The following ALG5 variants were observed in gnomAD, a reference collection of about 807,000 sequenced individuals.
The protein encoded by ALG5 is dolichyl-phosphate beta-glucosyltransferase.
In ALG5, 26 loss-of-function variants were observed where a neutral mutation model predicts 51.8. The ratio of observed to expected loss-of-function variants is 0.50; its 90% CI spans 0.37 to 0.70. The LOEUF (loss-of-function observed/expected upper bound fraction) is 0.70, where lower values mean the gene tolerates loss of function less well. ALG5 is among the 30% of genes least tolerant of loss of function. The pLI is 0.00. For synonymous variants in ALG5, 141 were observed against 136.1 expected, an observed-to-expected ratio of 1.04 and a Z score of -0.25; for missense variants, 311 against 399.3, an observed-to-expected ratio of 0.78 and a Z score of 1.88.
At chr13:36,971,474 C>T (rs185919939) in intron 7 of ALG5, among the ~76,000 whole-genome samples, 25 of 151,888 alleles carry the variant, frequency 1.6e-4, no homozygotes, top group African/African-American at 5.8e-4. Flanking sequence ...CAGTGAAACC[C>T]TGTCTCTACC....
At chr13:36,965,194 A>T (rs2058887364) in intron 8 of ALG5, among the ~76,000 whole-genome samples, 1 of 152,122 alleles carries the variant, frequency 6.6e-6, no homozygotes, top group African/African-American at 2.4e-5. Flanking sequence ...GGAGATGTAG[A>T]GGTCAAAAGA....
intron 8 of ALG5, among the ~76,000 whole-genome samples, chr13:36,964,063 A>G (rs1229460488): frequency 6.6e-6 from 1 of 152,194 alleles, no homozygotes; most frequent in Non-Finnish European, 1.5e-5. Flanking sequence ...TATAAGAAAA[A>G]ACTACAAATG....
At chr13:36,961,798 T>C (rs2058868437) in intron 8 of ALG5, among the ~76,000 whole-genome samples, 1 of 152,174 alleles carries the variant, frequency 6.6e-6, no homozygotes, top group Admixed American at 6.6e-5. Context: ...GAGTCTTTTT[T>C]TGAGACAGAG....
chr13:36,976,446 A>G (rs113093875), intron 6 of ALG5, among the ~76,000 whole-genome samples: 5,418 of 145,048 alleles, frequency 0.037, 395 homozygotes, highest in African/African-American at 0.14. Flanking sequence ...AAAAAAAAAA[A>G]AAAAGAAAAG....
intron 6 of ALG5, among the ~76,000 whole-genome samples, chr13:36,973,643 A>C (rs1409444153): frequency 6.6e-6 from 1 of 152,242 alleles, no homozygotes; most frequent in Non-Finnish European, 1.5e-5. Flanking sequence ...CCATATTCAA[A>C]ACTAAAAGAC....
chr13:36,978,749 C>A (rs2058965465), intron 6 of ALG5, among the ~76,000 whole-genome samples: 1 of 151,052 alleles, frequency 6.6e-6, no homozygotes, highest in South Asian at 2.1e-4. Context: ...CCCACCTCTA[C>A]TAAAAATACA....
chr13:36,977,931 G>A (rs2058961109), intron 6 of ALG5, among the ~76,000 whole-genome samples: 2 of 146,628 alleles, frequency 1.4e-5, no homozygotes, highest in Admixed American at 1.4e-4. Context: ...CTGTTGCCCA[G>A]GCTGGAGTAC....
intron 8 of ALG5, among the ~76,000 whole-genome samples, chr13:36,956,098 C>T (rs1443516023): frequency 6.6e-6 from 1 of 152,072 alleles, no homozygotes; most frequent in African/African-American, 2.4e-5. Context: ...ATCTGTAGGC[C>T]ATATATCTGA....
At chr13:36,997,904 C>T (rs2059058940) in intron 1 of ALG5, among the ~76,000 whole-genome samples, 1 of 152,064 alleles carries the variant, frequency 6.6e-6, no homozygotes, top group Non-Finnish European at 1.5e-5. Flanking sequence ...ACCTAAGTTT[C>T]ACTAGTTGTG....
At chr13:36,971,541 T>G (rs1593668617) in intron 7 of ALG5, among the ~76,000 whole-genome samples, 1 of 144,000 alleles carries the variant, frequency 6.9e-6, no homozygotes, top group East Asian at 2.1e-4. Context: ...CAGCTACTTG[T>G]GAGGCTGAGG....
At chr13:36,984,820 G>T (rs1461473614) in intron 6 of ALG5, among the ~76,000 whole-genome samples, 1 of 152,068 alleles carries the variant, frequency 6.6e-6, no homozygotes, top group African/African-American at 2.4e-5. Context: ...CTGGTCTTGT[G>T]AGATTTTGTC....
intron 8 of ALG5, among the ~76,000 whole-genome samples, chr13:36,961,092 A>G (rs2058864509): frequency 6.6e-6 from 1 of 152,102 alleles, no homozygotes; most frequent in Admixed American, 6.6e-5. Context: ...AAAAATAAAC[A>G]GTAGAAAACC....
chr13:36,989,751 T>C (rs991084174), intron 4 of ALG5, among the ~76,000 whole-genome samples, 175 bp from the exon 5 acceptor site: 4 of 152,204 alleles, frequency 2.6e-5, no homozygotes, highest in Non-Finnish European at 4.4e-5. Context: ...CTTGGTGCCA[T>C]TGACCTACTA....
At position 36,995,034 on chromosome 13, in the gene ALG5, C is replaced by A; in HGVS notation, c.240G>T (p.Leu80Phe). 6.2e-7 allele frequency: 1 copy of A among 1,612,810 alleles called. No homozygotes were observed. ...TCAGAGCTTCATCCATCATCACAGG[C>A]ACTTGAAGAAAAAAATATATTAAAA... ...VVPSYNEEKR[L>F]PVMMDEALSY... The change falls in exon 3 of 10, where the codon TTG becomes TTT. Residue 80 changes from leucine (L) to phenylalanine (F), a missense_variant and splice_region_variant. By Grantham distance (22) the Leu-to-Phe change is conservative (BLOSUM62 0). Coordinates refer to ENST00000239891, the MANE Select transcript of ALG5 (RefSeq NM_013338.5).
At chr13:36,967,776 T>C (rs1292642455) in intron 7 of ALG5, 1 of 1,216,760 alleles carries the variant, frequency 8.2e-7, no homozygotes, top group Non-Finnish European at 1.1e-6. Context: ...AAATACTGGT[T>C]GACTGATTAA....
chr13:36,965,763 T>G (rs2058890450), intron 7 of ALG5, 37 bp from the exon 8 acceptor site: 1 of 1,592,176 alleles, frequency 6.3e-7, no homozygotes, highest in Non-Finnish European at 8.6e-7. Flanking sequence ...ACTTTTCCAT[T>G]CATCTGTAAA....
chr13:36,997,109 G>A (rs372414378), intron 1 of ALG5, among the ~76,000 whole-genome samples: 4 of 152,134 alleles, frequency 2.6e-5, no homozygotes, highest in Admixed American at 2.6e-4. Context: ...GATGTTAAAA[G>A]GCATTAAGGG....
chr13:36,995,323 C>T, intron 2 of ALG5, 102 bp downstream of exon 2: 1 of 1,227,626 alleles, frequency 8.1e-7, no homozygotes, highest in Non-Finnish European at 1.1e-6. Context: ...CAACACAGCC[C>T]ACATCTATTA....
chr13:36,995,088 C>T (rs972432881), intron 2 of ALG5, 53 bp from the exon 3 acceptor site: 33 of 1,494,488 alleles, frequency 2.2e-5, no homozygotes, highest in Admixed American at 1.5e-4. Flanking sequence ...TTTCCAAGCC[C>T]GGCACATTCA....
Sources: gnomAD v4.1 joint callset for allele counts (sites outside exome capture counted in the v4.1 genomes callset) on GRCh38, gnomAD v4.1.1 for gene constraint, MANE v1.5 for transcripts, NCBI Gene and HGNC (gene_info 2026-07-23, HGNC 2026-07-21) for gene names.